LSM14B: variants seen among roughly 807,000 people sequenced by gnomAD.
The protein encoded by LSM14B is LSM family member 14B.
LSM14B carries 8 observed loss-of-function variants against 42.1 expected under a neutral mutation model. The ratio of observed to expected loss-of-function variants is 0.19; its 90% CI spans 0.11 to 0.34. LSM14B has a LOEUF of 0.34. LSM14B is among the 10% of genes least tolerant of loss of function. The pLI is 1.00. For missense variants in LSM14B, 396 were observed against 513.1 expected (o/e 0.77, Z 2.21); for synonymous variants, 219 against 209.7 (o/e 1.04, Z -0.38).
chr20:62,131,340 C>T lies in LSM14B; in HGVS notation c.836-16C>T, dbSNP rs1001762031. On this transcript the variant is annotated splice_polypyrimidine_tract_variant and intron_variant, in intron 6 of 8. Transcript: ENST00000279068. ...TGCCCCTCCTCCATCTCCACGTGTT[C>T]TGCTTCTTTTTGTAGATGACAAGGC... 6.3e-7 allele frequency: 1 copy of T among 1,577,742 alleles called. No individual in the cohort carries two copies. The highest frequency in any genetic ancestry group is 8.6e-7 in the Non-Finnish European group (1 of 1,161,822).
rs558674746 is a variant in LSM14B, at chr20:62,127,215, A to G, written c.427+776A>G. Among the ~76,000 whole-genome samples the G allele has an allele frequency of 3.9e-5, 6 of 152,214 alleles. No homozygotes were observed. The East Asian group carries it at 7.7e-4, about 20-fold the overall frequency. On this transcript the variant is annotated intron_variant, in intron 3 of 8. Coordinates refer to ENST00000279068, the MANE Select transcript of LSM14B (RefSeq NM_144703.3). ...TTGAAAAACCCCAGAGTATGATTCTATTCTCCATATGTAGAGAAAGATCCT... is the reference window on the plus strand; with the variant it reads ...TTGAAAAACCCCAGAGTATGATTCTGTTCTCCATATGTAGAGAAAGATCCT...
rs1162706266 is a variant in LSM14B at position 62,130,449 on chromosome 20, TGC to T, written c.674-80_674-79del. 7.7e-6 allele frequency: 12 copies of T among 1,561,622 alleles called. No individual in the cohort carries two copies. Among genetic ancestry groups the T allele is most frequent in the Non-Finnish European group, 1.0e-5 (12 of 1,150,608 alleles). On this transcript the variant is annotated intron_variant, in intron 5 of 8. Coordinates refer to ENST00000279068, the MANE Select transcript of LSM14B (RefSeq NM_144703.3). This position sits in a 1 kb window ranked among gnomAD's most constrained non-coding sequence, Gnocchi z 4.1. ...TGTTCCTTCTGTGGCCTTGGGGGTG[TGC>T]CTGGAAATTCCTTGTGAGGTGTTTG...
chr20:62,131,539 C>T (rs1053566343), intron 7 of LSM14B, 33 bp downstream of exon 7: 5 of 1,607,662 alleles, frequency 3.1e-6, no homozygotes, highest in Non-Finnish European at 4.2e-6. Context: ...GGAGGACAGT[C>T]CTCCAATCTA....
At position 62,122,803 on chromosome 20, in the gene LSM14B, GCCGCCCGCCCGAGCCCGCTGACCC is replaced by G. The variant is rs1225675470; in HGVS notation, c.127+14_127+37del. Reference sequence around the variant, plus strand: ...GTGGCGCTCGCCAAAGGTAGCGGCCGCCGCCCGCCCGAGCCCGCTGACCCCCGTCCGCCAACAGCCCCGGCCTGC... The same window carrying G: ...GTGGCGCTCGCCAAAGGTAGCGGCCGCCGTCCGCCAACAGCCCCGGCCTGC... On this transcript the variant is annotated intron_variant, in intron 1 of 8. Coordinates refer to ENST00000279068, the MANE Select transcript of LSM14B (RefSeq NM_144703.3). The surrounding 1 kb of genome is among the most constrained non-coding windows in gnomAD (Gnocchi z 4.6). The G allele has an allele frequency of 6.7e-7, 1 of 1,488,554 alleles. No individual in the cohort carries two copies. The highest frequency in any genetic ancestry group is 1.5e-5 in the African/African-American group (1 of 68,076). 92.2% of individuals were successfully genotyped at this position (1,488,554 alleles called of 1,614,324 possible). A position where few individuals can be genotyped will look rare whatever the true frequency, so the allele number is the denominator to read the frequency against.
intron 2 of LSM14B, among the ~76,000 whole-genome samples, chr20:62,125,975 C>T (rs1355375454): frequency 2.0e-5 from 3 of 152,274 alleles, no homozygotes; most frequent in Non-Finnish European, 2.9e-5. Flanking sequence ...CTGGGAGAAT[C>T]GCTTGAACCT....
chr20:62,129,968 A>T lies in LSM14B; in HGVS notation c.595+16A>T, dbSNP rs77635756. 104 of 1,597,200 alleles carry T rather than the reference A, an allele frequency of 6.5e-5. 1 individual carries two copies. In the South Asian group the frequency reaches 1.1e-3, roughly 17 times the overall value. ...ACGGCCAGCGGTACTTGAACACATC[A>T]TTTCCTGGAGTTTGCTTGATGTTCT... On this transcript the variant is annotated intron_variant, in intron 4 of 8. Coordinates refer to ENST00000279068, the MANE Select transcript of LSM14B (RefSeq NM_144703.3).
At chr20:62,128,053 C>A (rs1383710787) in intron 3 of LSM14B, 11 of 559,166 alleles carry the variant, frequency 2.0e-5, no homozygotes, top group South Asian at 6.2e-5. Context: ...GGGGGACTCC[C>A]CAAAGCACCT....
chr20:62,124,219 C>T (rs77535521), intron 1 of LSM14B, among the ~76,000 whole-genome samples: 7,021 of 152,328 alleles, frequency 0.046, 486 homozygotes, highest in African/African-American at 0.15. Context: ...CCTCCTCAGG[C>T]GCAATGTGCG....
At chr20:62,125,479 A>G (rs2056566237) in intron 2 of LSM14B, among the ~76,000 whole-genome samples, 1 of 152,250 alleles carries the variant, frequency 6.6e-6, no homozygotes, top group African/African-American at 2.4e-5. Flanking sequence ...CAGGGACTGC[A>G]GGGCTTGCCC....
In LSM14B at chr20:62,130,019, T is replaced by TG; in HGVS notation, c.595+67_595+68insG. 6.9e-7 allele frequency: 1 copy of TG among 1,451,918 alleles called. No homozygotes were observed. Among genetic ancestry groups the TG allele is most frequent in the Non-Finnish European group, 9.1e-7 (1 of 1,094,806 alleles). The allele number at this position is 1,451,918 out of a possible 1,614,324, so 89.9% of individuals were successfully genotyped here. A position where few individuals can be genotyped will look rare whatever the true frequency, so the allele number is the denominator to read the frequency against. On this transcript the variant is annotated intron_variant, in intron 4 of 8. Coordinates refer to ENST00000279068, the MANE Select transcript of LSM14B (RefSeq NM_144703.3). This position sits in a 1 kb window ranked among gnomAD's most constrained non-coding sequence, Gnocchi z 4.1. ...AAAAGTGGCACACTACTTCCTGGGC[T>TG]ATTTTTTTTTTTTTAATTAAAAAAA...
intron 2 of LSM14B, 102 bp downstream of exon 2, chr20:62,124,882 C>CTTT (rs11480126): frequency 1.5e-3 from 1,339 of 891,870 alleles, no homozygotes; most frequent in Middle Eastern, 3.0e-3. Context: ...GAGGAATAAC[C>CTTT]TTTTTTTTTT....
chr20:62,125,049 T>A (rs2056549145), intron 2 of LSM14B, among the ~76,000 whole-genome samples: 1 of 152,040 alleles, frequency 6.6e-6, no homozygotes. Flanking sequence ...CCCAGCTAAT[T>A]TTTGTAATTT....
chr20:62,124,178 C>G (rs540163271), intron 1 of LSM14B, among the ~76,000 whole-genome samples: 1 of 152,352 alleles, frequency 6.6e-6, no homozygotes, highest in South Asian at 2.1e-4. Context: ...GTAAGGGCAA[C>G]ACTCGTCTAG....
In LSM14B at chr20:62,134,748, A is replaced by G. The variant is rs2056859720; in HGVS notation, c.*600A>G. 1 of 165,236 alleles carries G rather than the reference A, an allele frequency of 6.1e-6. No individual in the cohort carries two copies. The highest frequency in any genetic ancestry group is 6.3e-5 in the Admixed American group (1 of 15,788). The allele number at this position is 165,236 out of a possible 1,614,324, so 10.2% of individuals were successfully genotyped here. A position where few individuals can be genotyped will look rare whatever the true frequency, so the allele number is the denominator to read the frequency against. ...GACCACCCTGATGGCATCCACAGTGATGTCAAGGTTGGGGCTGGCCAGGGG... is the reference window on the plus strand; with the variant it reads ...GACCACCCTGATGGCATCCACAGTGGTGTCAAGGTTGGGGCTGGCCAGGGG... On this transcript the variant is annotated 3_prime_UTR_variant, in exon 9 of 9. Coordinates refer to ENST00000279068, the MANE Select transcript of LSM14B (RefSeq NM_144703.3).
chr20:62,122,482 C>A lies in LSM14B; in HGVS notation c.-185C>A. 4.2e-6 allele frequency: 1 copy of A among 238,896 alleles called. No homozygotes were observed. Among genetic ancestry groups the A allele is most frequent in the Non-Finnish European group, 6.8e-6 (1 of 147,660 alleles). The allele number at this position is 238,896 out of a possible 1,614,324, so 14.8% of individuals were successfully genotyped here. On this transcript the variant is annotated 5_prime_UTR_variant, in exon 1 of 9. Transcript: ENST00000279068. The surrounding 1 kb of genome is among the most constrained non-coding windows in gnomAD (Gnocchi z 4.6). ...CGCTCCTCTCAGAGCCCCAGTCGCG[C>A]GCCCCTTCTTGGTTCGCTCGGTGCC... is the stretch of plus-strand genomic sequence containing the variant.
chr20:62,134,425 T>G lies in LSM14B; in HGVS notation c.*277T>G, dbSNP rs767378812. 3.5e-5 allele frequency: 13 copies of G among 369,484 alleles called. No individual in the cohort carries two copies. Among genetic ancestry groups the G allele is most frequent in the Non-Finnish European group, 6.1e-5 (11 of 181,460 alleles). The allele number at this position is 369,484 out of a possible 1,614,324, so 22.9% of individuals were successfully genotyped here. On this transcript the variant is annotated 3_prime_UTR_variant, in exon 9 of 9. Coordinates refer to ENST00000279068, the MANE Select transcript of LSM14B (RefSeq NM_144703.3). The stretch of plus-strand genomic sequence containing the variant: ...GCATAGCCTAATTCTAAGGTTTTGG[T>G]ATTTTGCAAAAAGGTTTCTATAGTG...
At position 62,126,292 on chromosome 20, in the gene LSM14B, C is replaced by G. The variant is rs921945506; in HGVS notation, c.292-12C>G. Reference sequence around the variant, plus strand: ...GGCCTTCGCCGTTCTCACCCGATGTCTCGTTGTTCAGTCTTCCCTGGGTTC... The same window carrying G: ...GGCCTTCGCCGTTCTCACCCGATGTGTCGTTGTTCAGTCTTCCCTGGGTTC... On this transcript the variant is annotated splice_polypyrimidine_tract_variant and intron_variant, in intron 2 of 8. Coordinates refer to ENST00000279068, the MANE Select transcript of LSM14B (RefSeq NM_144703.3). 1 of 1,613,966 alleles carries G rather than the reference C, an allele frequency of 6.2e-7. No individual in the cohort carries two copies. The highest frequency in any genetic ancestry group is 2.2e-5 in the East Asian group (1 of 44,888).
rs1279756275 is a variant in LSM14B, at chr20:62,134,192, C to G, written c.*44C>G. ...CTACTGAAGTGGCGCATAACTGACG[C>G]TGTGTGTGTCAGGACGCGAGGAAAA... On this transcript the variant is annotated 3_prime_UTR_variant, in exon 9 of 9. Transcript: ENST00000279068. 4 of 469,788 alleles carry G rather than the reference C, an allele frequency of 8.5e-6. No individual in the cohort carries two copies. The highest frequency in any genetic ancestry group is 7.0e-5 in the East Asian group (1 of 14,384). 29.1% of individuals were successfully genotyped at this position (469,788 alleles called of 1,614,324 possible).
rs1600929755 is a variant in LSM14B, at chr20:62,128,060, A to C, written c.427+1621A>C. 9.1e-6 allele frequency: 5 copies of C among 547,918 alleles called. No individual in the cohort carries two copies. The Admixed American group carries it at 1.6e-4, about 17-fold the overall frequency. The allele number at this position is 547,918 out of a possible 1,614,324, so 33.9% of individuals were successfully genotyped here. On this transcript the variant is annotated intron_variant, in intron 3 of 8. Transcript: ENST00000279068. ...TGCTGCAGGGGGGACTCCCCAAAGC[A>C]CCTGACATGCCTGTTTTGCTCTTTG...
Sources: allele counts gnomAD v4.1 joint callset (sites outside exome capture counted in the v4.1 genomes callset), GRCh38; gene constraint gnomAD v4.1.1; non-coding constraint Gnocchi (gnomAD v3.1); transcripts MANE v1.5; gene names NCBI Gene and HGNC (gene_info 2026-07-23, HGNC 2026-07-21).